DHRS4: variants seen among roughly 807,000 people sequenced by gnomAD.
The protein encoded by DHRS4 is dehydrogenase/reductase SDR family member 4.
In DHRS4, 20 loss-of-function variants were observed where a neutral mutation model predicts 28.4. That is an observed-to-expected ratio of 0.71 (90% CI 0.50 to 1.02). The LOEUF is 1.02. Ranked by LOEUF, DHRS4 falls within the 50% of genes least tolerant of loss-of-function variation. DHRS4 has a pLI of 0.00. For missense variants in DHRS4, 378 were observed against 367.2 expected, an observed-to-expected ratio of 1.03 and a Z score of -0.24; for synonymous variants, 144 against 146.4, an observed-to-expected ratio of 0.98 and a Z score of 0.12.
Position 23,953,864 on chromosome 14 carries a change from C to A in DHRS4, c.76C>A (p.Arg26Ser). The A allele has an allele frequency of 6.2e-7, 1 of 1,612,670 alleles. No homozygotes were observed. ...SVRMASSGMT[R>S]RDPLANKVAL... The stretch of plus-strand genomic sequence containing the variant: ...GCGGATGGCCAGCTCCGGGATGACC[C>A]GCCGGGACCCGCTCGCAAATAAGGT... Residue 26 changes from arginine to serine, a missense_variant, in exon 1 of 8, where the codon CGC becomes AGC. Coordinates refer to ENST00000313250, the MANE Select transcript of DHRS4 (RefSeq NM_021004.4).
In DHRS4 at chr14:23,969,135, C is replaced by T. The variant is rs1202864209; in HGVS notation, c.*264C>T. 10 of 489,358 alleles carry T rather than the reference C, an allele frequency of 2.0e-5. No homozygotes were observed. Among genetic ancestry groups the T allele is most frequent in the Non-Finnish European group, 3.0e-5 (9 of 299,276 alleles). 30.3% of individuals were successfully genotyped at this position (489,358 alleles called of 1,614,324 possible). A position where few individuals can be genotyped will look rare whatever the true frequency, so the allele number is the denominator to read the frequency against. On this transcript the variant is annotated 3_prime_UTR_variant, in exon 8 of 8. Transcript: ENST00000313250. The stretch of plus-strand genomic sequence containing the variant: ...AAGGCTGAGTCTACCTTGGCAAAGA[C>T]CAAGATATTTTTTCCCGGGCCACTG...
intron 3 of DHRS4, among the ~76,000 whole-genome samples, chr14:23,960,375 G>A (rs1216075537): frequency 6.6e-6 from 1 of 151,912 alleles, no homozygotes; most frequent in Non-Finnish European, 1.5e-5. Flanking sequence ...CCCCTTTTCA[G>A]CTGACAAAAA....
Position 23,966,305 on chromosome 14 carries a change from G to C in DHRS4, c.554G>C (p.Ser185Thr). 6.2e-7 allele frequency: 1 copy of C among 1,613,960 alleles called. No homozygotes were observed. The highest frequency in any genetic ancestry group is 8.5e-7 in the Non-Finnish European group (1 of 1,180,000). ...PSPGFSPYNV[S>T]KTALLGLTKT... ...CAGGGCTTCAGTCCTTACAATGTCA[G>C]TAAAACAGCCTTGCTGGGCCTGACC... The change falls in exon 6 of 8, where the codon AGT (serine) becomes ACT (threonine). Residue 185 changes from serine (S) to threonine (T), a missense_variant. Transcript: ENST00000313250.
intron 2 of DHRS4, among the ~76,000 whole-genome samples, chr14:23,959,062 T>A (rs1258870052): frequency 6.6e-6 from 1 of 152,104 alleles, no homozygotes; most frequent in African/African-American, 2.4e-5. Context: ...TTTGAGATAA[T>A]GGTAACTTAT....
At chr14:23,966,495 T>C (rs1204817611) in intron 6 of DHRS4, 78 bp downstream of exon 6, 10 of 1,588,584 alleles carry the variant, frequency 6.3e-6, no homozygotes, top group Non-Finnish European at 8.6e-6. Flanking sequence ...GCCCACTACC[T>C]GAGTCCTGAG....
At chr14:23,956,537 C>T (rs1213791783) in intron 2 of DHRS4, among the ~76,000 whole-genome samples, 6 of 151,430 alleles carry the variant, frequency 4.0e-5, no homozygotes, top group Admixed American at 3.3e-4. Flanking sequence ...AGAGCACAGG[C>T]TCAGGAGTAC....
Position 23,968,958 on chromosome 14 carries a change from C to T in DHRS4, c.*87C>T, listed in dbSNP as rs1390678287. 5 of 1,532,620 alleles carry T rather than the reference C, an allele frequency of 3.3e-6. No homozygotes were observed. The highest frequency in any genetic ancestry group is 4.4e-6 in the Non-Finnish European group (5 of 1,137,412). 94.9% of individuals were successfully genotyped at this position (1,532,620 alleles called of 1,614,324 possible). On this transcript the variant is annotated 3_prime_UTR_variant, in exon 8 of 8. Transcript: ENST00000313250. ...CACCCACTGGCCTTTCCCACCTCTG[C>T]TCACCTTACTGTTCACCTCATCAAA...
At chr14:23,966,222 GT>G in intron 5 of DHRS4, 60 bp from the exon 6 acceptor site, 2 of 1,583,142 alleles carry the variant, frequency 1.3e-6, no homozygotes, top group Non-Finnish European at 1.7e-6. Context: ...TCTATGTCTA[GT>G]TATTAGAACC....
At chr14:23,966,086 C>CA (rs1404489433) in intron 5 of DHRS4, 103 bp downstream of exon 5, 2 of 1,602,544 alleles carry the variant, frequency 1.2e-6, no homozygotes, top group Admixed American at 3.4e-5. Context: ...AGAATCACAC[C>CA]ACCAAGTCCC....
At position 23,955,044 on chromosome 14, in the gene DHRS4, C is replaced by T. The variant is rs138564114; in HGVS notation, c.138C>T (p.Phe46=). 2.3e-4 allele frequency: 378 copies of T among 1,614,164 alleles called. No individual in the cohort carries two copies. In the African/African-American group the frequency reaches 3.2e-3, roughly 14 times the overall value. ...LVTASTDGIG[F]AIARRLAQDG... ...CTCTTTCTGCTCACAGGATCGGCTT[C>T]GCCATCGCCCGGCGTTTGGCCCAGG... The change falls in exon 2 of 8, where the codon TTC becomes TTT. Residue 46 remains phenylalanine, a synonymous_variant. Transcript: ENST00000313250.
At position 23,955,173 on chromosome 14, in the gene DHRS4, T is replaced by C; in HGVS notation, c.267T>C (p.His89=). The C allele has an allele frequency of 6.2e-7, 1 of 1,613,690 alleles. No homozygotes were observed. Among genetic ancestry groups the C allele is most frequent in the Non-Finnish European group, 8.5e-7 (1 of 1,179,800 alleles). Residue 89 remains histidine (H), a synonymous_variant, in exon 2 of 8, where the codon CAT becomes CAC. Coordinates refer to ENST00000313250, the MANE Select transcript of DHRS4 (RefSeq NM_021004.4). ...TGAGCGTGACGGGCACCGTGTGCCA[T>C]GTGGGGAAGGCGGAGGACCGGGAGC... ...EGLSVTGTVC[H]VGKAEDRERL...
intron 3 of DHRS4, 119 bp downstream of exon 3, chr14:23,960,122 C>T (rs564714166): frequency 1.1e-6 from 1 of 950,188 alleles, no homozygotes; most frequent in Non-Finnish European, 1.7e-6. Context: ...GACTCTTTGC[C>T]ACGTGCCACA....
intron 3 of DHRS4, among the ~76,000 whole-genome samples, chr14:23,964,318 T>G (rs949013793): frequency 8.7e-5 from 13 of 149,614 alleles, no homozygotes; most frequent in Non-Finnish European, 1.8e-4. Flanking sequence ...TGTATATTTT[T>G]TAAACTATCA....
chr14:23,954,179 G>C, intron 1 of DHRS4: 1 of 444,548 alleles, frequency 2.2e-6, no homozygotes, highest in Admixed American at 3.6e-5. Flanking sequence ...TCTCCCCAGT[G>C]TTCTGGGCTG....
At position 23,968,939 on chromosome 14, in the gene DHRS4, C is replaced by T; in HGVS notation, c.*68C>T. The T allele has an allele frequency of 1.9e-6, 3 of 1,590,026 alleles. No homozygotes were observed. Among genetic ancestry groups the T allele is most frequent in the Admixed American group, 1.7e-5 (1 of 57,426 alleles). ...CTGGTGCTGTTCCCGCATTCACCCA[C>T]TGGCCTTTCCCACCTCTGCTCACCT... On this transcript the variant is annotated 3_prime_UTR_variant, in exon 8 of 8. Coordinates refer to ENST00000313250, the MANE Select transcript of DHRS4 (RefSeq NM_021004.4).
At chr14:23,954,128 T>G (rs1281474899) in intron 1 of DHRS4, 3 of 709,072 alleles carry the variant, frequency 4.2e-6, no homozygotes, top group African/African-American at 3.7e-5. Context: ...CTGCTACCTC[T>G]GGCACAACTG....
chr14:23,957,529 A>T (rs115690102), intron 2 of DHRS4, among the ~76,000 whole-genome samples: 1 of 151,310 alleles, frequency 6.6e-6, no homozygotes, highest in African/African-American at 2.4e-5. Context: ...GTGATCACAC[A>T]ATTTAGAATA....
chr14:23,966,003 C>T lies in DHRS4; in HGVS notation c.531+20C>T, dbSNP rs1172921046. 11 of 1,609,648 alleles carry T rather than the reference C, an allele frequency of 6.8e-6. No homozygotes were observed. Among genetic ancestry groups the T allele is most frequent in the African/African-American group, 1.3e-5 (1 of 74,508 alleles). The stretch of plus-strand genomic sequence containing the variant: ...TCTCCTGTAAGAACCCTTTTGTCTA[C>T]CTCTTCCATCCCACCCTCCACTCCA... On this transcript the variant is annotated intron_variant, in intron 5 of 7. Coordinates refer to ENST00000313250, the MANE Select transcript of DHRS4 (RefSeq NM_021004.4).
chr14:23,960,023 G>C lies in DHRS4; in HGVS notation c.408+20G>C, dbSNP rs775040561. On this transcript the variant is annotated intron_variant, in intron 3 of 7. Transcript: ENST00000313250. ...GACAAGGTGAGAGGGGATTAAAGCA[G>C]GGGGGCCGGGGGGGGCGCCTTGGAA... 1.3e-6 allele frequency: 2 copies of C among 1,557,744 alleles called. No homozygotes were observed. Among genetic ancestry groups the C allele is most frequent in the South Asian group, 2.2e-5 (2 of 90,282 alleles).
Sources: allele counts gnomAD v4.1 joint callset (sites outside exome capture counted in the v4.1 genomes callset), GRCh38; gene constraint gnomAD v4.1.1; transcripts MANE v1.5; gene names NCBI Gene and HGNC (gene_info 2026-07-23, HGNC 2026-07-21).